The following TRPC6 variants were observed in gnomAD, a reference collection of about 807,000 sequenced individuals.
TRPC6 encodes the protein transient receptor potential cation channel subfamily C member 6.
In TRPC6, 55 loss-of-function variants were observed where a neutral mutation model predicts 90.7. That is an observed-to-expected ratio of 0.61 (90% CI 0.49 to 0.76). The LOEUF is 0.76. Ranked by LOEUF, TRPC6 falls within the 30% of genes least tolerant of loss-of-function variation. The pLI, the probability that TRPC6 is intolerant of heterozygous loss-of-function variation, is 0.00. For synonymous variants in TRPC6, 393 were observed against 393.0 expected (o/e 1.00, Z 0.00); for missense variants, 989 against 1,122.7 (o/e 0.88, Z 1.70).
chr11:101,574,474 T>A (rs1164551299), intron 1 of TRPC6, among the ~76,000 whole-genome samples: 1 of 151,294 alleles, frequency 6.6e-6, no homozygotes, highest in African/African-American at 2.5e-5. Context: ...TTAGACTTCA[T>A]GCTATATGGT....
intron 1 of TRPC6, among the ~76,000 whole-genome samples, chr11:101,523,646 A>G (rs1860710943): frequency 6.6e-6 from 1 of 152,226 alleles, no homozygotes; most frequent in African/African-American, 2.4e-5. Flanking sequence ...TAGTTTAGAC[A>G]GGAGTTCATT....
At chr11:101,514,712 A>G (rs1182391602) in intron 1 of TRPC6, among the ~76,000 whole-genome samples, 1 of 152,190 alleles carries the variant, frequency 6.6e-6, no homozygotes, top group Non-Finnish European at 1.5e-5. Context: ...TTAACAACTC[A>G]GGATTCCAAT....
rs7952182 is a variant in TRPC6, at chr11:101,562,720, A to T, written c.170+20614T>A. On this transcript the variant is annotated intron_variant, in intron 1 of 12. Transcript: ENST00000344327. ...GAAATATGACATTGAAAGTAAGTAT[A>T]AAAAATACCTTGTCCAAGAGAGTAA... 2.9e-3 allele frequency among the ~76,000 whole-genome samples: 443 copies of T among 152,290 alleles called. 3 individuals carry two copies. Among genetic ancestry groups the T allele is most frequent in the African/African-American group, 0.01 (426 of 41,572 alleles).
chr11:101,583,609 T>G lies in TRPC6; in HGVS notation c.-106A>C, dbSNP rs1239110863. On this transcript the variant is annotated 5_prime_UTR_variant, in exon 1 of 13. Transcript: ENST00000344327. ...TTCGCGTCAGCGGCCGAACTGGACCTGGGCAGACCGGTGCCCAGGGGACGA... is the reference window on the plus strand; with the variant it reads ...TTCGCGTCAGCGGCCGAACTGGACCGGGGCAGACCGGTGCCCAGGGGACGA... 2.4e-6 allele frequency: 3 copies of G among 1,275,988 alleles called. No homozygotes were observed. The highest frequency in any genetic ancestry group is 3.1e-6 in the Non-Finnish European group (3 of 978,754). 79.0% of individuals were successfully genotyped at this position (1,275,988 alleles called of 1,614,324 possible).
chr11:101,557,289 G>T (rs1861582274), intron 1 of TRPC6, among the ~76,000 whole-genome samples: 1 of 152,074 alleles, frequency 6.6e-6, no homozygotes, highest in Non-Finnish European at 1.5e-5. Context: ...TGGGAGACAG[G>T]GGTTGCAATG....
At chr11:101,536,384 C>T (rs1861046042) in intron 1 of TRPC6, among the ~76,000 whole-genome samples, 1 of 150,586 alleles carries the variant, frequency 6.6e-6, no homozygotes, top group South Asian at 2.1e-4. Context: ...AAGACTCGAT[C>T]CCCCAGCCCC....
intron 4 of TRPC6, among the ~76,000 whole-genome samples, chr11:101,483,814 C>T (rs1859609050): frequency 6.6e-6 from 1 of 152,138 alleles, no homozygotes; most frequent in South Asian, 2.1e-4. Flanking sequence ...AGCTGAGTGA[C>T]AATGAGCACA....
intron 1 of TRPC6, among the ~76,000 whole-genome samples, chr11:101,558,940 T>A (rs746117537): frequency 1.3e-5 from 2 of 152,050 alleles, no homozygotes; most frequent in African/African-American, 2.4e-5. Context: ...GGGGAGAAAC[T>A]ACACAACATT....
intron 1 of TRPC6, among the ~76,000 whole-genome samples, chr11:101,519,070 T>C (rs1012964762): frequency 6.6e-6 from 1 of 152,092 alleles, no homozygotes; most frequent in African/African-American, 2.4e-5. Context: ...TGGGACGAGT[T>C]GGGGATGGTT....
chr11:101,541,407 G>T (rs1378292095), intron 1 of TRPC6, among the ~76,000 whole-genome samples: 1 of 152,100 alleles, frequency 6.6e-6, no homozygotes, highest in African/African-American at 2.4e-5. Context: ...TTTCGCCCAG[G>T]CCGGAGTGCA....
chr11:101,476,497 C>G lies in TRPC6; in HGVS notation c.1548G>C (p.Gln516His). ...ACTCAAACAAATATTCCTTGGGGCCCTGAGTCCAGATTTCTTTACATTCAG... is the reference window on the plus strand; with the variant it reads ...ACTCAAACAAATATTCCTTGGGGCCGTGAGTCCAGATTTCTTTACATTCAG... ...IWAECKEIWTQGPKEYLFELW... is the reference protein window; with the variant it reads ...IWAECKEIWTHGPKEYLFELW... Residue 516 changes from glutamine (Q) to histidine (H), a missense_variant, in exon 6 of 13, where the codon CAG becomes CAC. Gln to His is a conservative substitution (Grantham distance 24). Transcript: ENST00000344327. The G allele has an allele frequency of 1.2e-6, 2 of 1,614,090 alleles. No individual in the cohort carries two copies. The highest frequency in any genetic ancestry group is 2.7e-5 in the African/African-American group (2 of 75,028).
At chr11:101,518,659 G>C (rs1033068427) in intron 1 of TRPC6, among the ~76,000 whole-genome samples, 1 of 152,126 alleles carries the variant, frequency 6.6e-6, no homozygotes, top group East Asian at 1.9e-4. Flanking sequence ...AAATTGAGCT[G>C]CCATATGATC....
chr11:101,489,154 A>C, intron 3 of TRPC6, 53 bp from the exon 4 acceptor site: 1 of 1,540,716 alleles, frequency 6.5e-7, no homozygotes, highest in Admixed American at 1.7e-5. Context: ...GGTTCAGCAT[A>C]AACGATTTTC....
intron 10 of TRPC6, among the ~76,000 whole-genome samples, chr11:101,456,055 TACTC>T (rs546658995): frequency 1.6e-3 from 243 of 152,318 alleles, no homozygotes; most frequent in Non-Finnish European, 2.6e-3. Context: ...CTTTTTCTTT[TACTC>T]ACTCTAAAAA....
At chr11:101,559,903 C>T (rs920318519) in intron 1 of TRPC6, among the ~76,000 whole-genome samples, 2 of 150,084 alleles carry the variant, frequency 1.3e-5, no homozygotes, top group East Asian at 2.0e-4. Context: ...TTTGTCCTTG[C>T]GATAGTTTGC....
At chr11:101,543,547 G>A (rs1383046850) in intron 1 of TRPC6, among the ~76,000 whole-genome samples, 1 of 151,896 alleles carries the variant, frequency 6.6e-6, no homozygotes. Context: ...ATAGACCAAT[G>A]GAACAGATCA....
At chr11:101,548,249 TCATA>T (rs200683700) in intron 1 of TRPC6, among the ~76,000 whole-genome samples, 2 of 120,002 alleles carry the variant, frequency 1.7e-5, no homozygotes, top group African/African-American at 6.1e-5. Flanking sequence ...AAGAACTAGA[TCATA>T]TATATATACA....
intron 1 of TRPC6, among the ~76,000 whole-genome samples, chr11:101,515,878 T>C (rs1223604173): frequency 6.6e-6 from 1 of 152,108 alleles, no homozygotes; most frequent in Non-Finnish European, 1.5e-5. Context: ...ATTAAATTAA[T>C]TTCACTAAGG....
chr11:101,577,108 T>C (rs1182239270), intron 1 of TRPC6, among the ~76,000 whole-genome samples: 1 of 152,118 alleles, frequency 6.6e-6, no homozygotes, highest in Admixed American at 6.5e-5. Flanking sequence ...GAAGGTGGTT[T>C]TTACACGTGC....
Sources: allele counts gnomAD v4.1 joint callset (sites outside exome capture counted in the v4.1 genomes callset), GRCh38; gene constraint gnomAD v4.1.1; transcripts MANE v1.5; gene names NCBI Gene and HGNC (gene_info 2026-07-23, HGNC 2026-07-21).